The following SRSF5 variants were observed in gnomAD, a reference collection of about 807,000 sequenced individuals.
The protein encoded by SRSF5 is serine/arginine-rich splicing factor 5.
A neutral mutation model predicts 34.0 loss-of-function variants in SRSF5; 5 were observed. The ratio of observed to expected loss-of-function variants is 0.15; its 90% CI spans 0.08 to 0.31. The LOEUF is 0.31. Among genes scored for constraint, SRSF5 ranks in the 10% least tolerant of loss-of-function variants. The pLI, the probability that SRSF5 is intolerant of heterozygous loss-of-function variation, is 1.00. For synonymous variants in SRSF5, 164 were observed against 117.7 expected, an observed-to-expected ratio of 1.39 and a Z score of -2.55; for missense variants, 223 against 351.4, an observed-to-expected ratio of 0.63 and a Z score of 2.92.
At chr14:69,767,757 C>G (rs1040398055) in intron 1 of SRSF5, 18 of 351,958 alleles carry the variant, frequency 5.1e-5, no homozygotes, top group African/African-American at 2.4e-4. Flanking sequence ...GGCTTCCACC[C>G]GCTGTGACGC....
At chr14:69,767,738 CG>C (rs1218228853) in intron 1 of SRSF5, 4 of 356,240 alleles carry the variant, frequency 1.1e-5, no homozygotes, top group Non-Finnish European at 2.2e-5. Flanking sequence ...CGAGGCGTCG[CG>C]AGATTCTGGC....
chr14:69,770,893 A>C (rs1383615512), intron 6 of SRSF5, 102 bp from the exon 7 acceptor site: 6 of 993,976 alleles, frequency 6.0e-6, no homozygotes. Context: ...CAATAGTAGC[A>C]ATAGCAAAAG....
Position 69,771,271 on chromosome 14 carries a change from A to G in SRSF5, c.629A>G (p.Lys210Arg), listed in dbSNP as rs749771691. Reference protein sequence around the residue: ...SRSRSRSRSRKSYSRSRSRSR... With the variant: ...SRSRSRSRSRRSYSRSRSRSR... ...AGCCGATCCCGTTCCCGTAGTCGCA[A>G]ATCTTACAGCCGGTCAAGAAGCAGG... is the stretch of plus-strand genomic sequence containing the variant. The change falls in exon 8 of 8, where the codon AAA (lysine) becomes AGA (arginine). Residue 210 changes from lysine (K) to arginine (R), a missense_variant. By Grantham distance (26) the Lys-to-Arg change is conservative. Around this residue, in one of 4 missense-constraint regions of SRSF5, gnomAD observed 115 missense variants for 119.7 expected, o/e 0.96. Coordinates refer to ENST00000557154, the MANE Select transcript of SRSF5 (RefSeq NM_001320214.2). The G allele has an allele frequency of 2.5e-6, 4 of 1,614,044 alleles. No homozygotes were observed. Among genetic ancestry groups the G allele is most frequent in the Admixed American group, 1.7e-5 (1 of 60,006 alleles).
At position 69,771,379 on chromosome 14, in the gene SRSF5, G is replaced by T. The variant is rs372075917; in HGVS notation, c.737G>T (p.Ser246Ile). 6.2e-7 allele frequency: 1 copy of T among 1,614,110 alleles called. No individual in the cohort carries two copies. Among genetic ancestry groups the T allele is most frequent in the African/African-American group, 1.3e-5 (1 of 74,932 alleles). Residue 246 changes from serine (S) to isoleucine (I), a missense_variant, in exon 8 of 8, where the codon AGT (serine) becomes ATT (isoleucine). Ser to Ile is a moderately radical substitution (Grantham distance 142). This residue lies in a region of SRSF5 where 115 missense variants were observed against 119.7 expected (regional missense o/e 0.96). Transcript: ENST00000557154. ...AAGAGCCAGAAACGTGGTTCTTCAA[G>T]TAGATCTAAGTCTCCAGCATCTGTG... ...PEKSQKRGSSSRSKSPASVDR... is the reference protein window; with the variant it reads ...PEKSQKRGSSIRSKSPASVDR...
Position 69,771,474 on chromosome 14 carries a change from T to C in SRSF5, c.*13T>C. 1 of 1,606,092 alleles carries C rather than the reference T, an allele frequency of 6.2e-7. No homozygotes were observed. The highest frequency in any genetic ancestry group is 8.5e-7 in the Non-Finnish European group (1 of 1,175,692). ...CAGTGGCAATTAAACTGTAAATAAC[T>C]TGCCCTGGGGGCCTTTTTTTAAAAA... On this transcript the variant is annotated 3_prime_UTR_variant, in exon 8 of 8. Transcript: ENST00000557154.
Position 69,771,278 on chromosome 14 carries a change from C to T in SRSF5, c.636C>T (p.Tyr212=), listed in dbSNP as rs1486025577. 7 of 1,614,118 alleles carry T rather than the reference C, an allele frequency of 4.3e-6. No homozygotes were observed. The highest frequency in any genetic ancestry group is 2.2e-5 in the East Asian group (1 of 44,890). ...CCCGTTCCCGTAGTCGCAAATCTTA[C>T]AGCCGGTCAAGAAGCAGGAGCAGGA... is the stretch of plus-strand genomic sequence containing the variant. ...SRSRSRSRKS[Y]SRSRSRSRSR... Residue 212 remains tyrosine (Y), a synonymous_variant, in exon 8 of 8, where the codon TAC becomes TAT. Coordinates refer to ENST00000557154, the MANE Select transcript of SRSF5 (RefSeq NM_001320214.2).
Position 69,771,626 on chromosome 14 carries a change from A to C in SRSF5, c.*165A>C. The stretch of plus-strand genomic sequence containing the variant: ...GATATCTTTGTAGATGTGGACCACC[A>C]AGGGGTTGTTGAAAACTAATTGTAT... On this transcript the variant is annotated 3_prime_UTR_variant, in exon 8 of 8. Coordinates refer to ENST00000557154, the MANE Select transcript of SRSF5 (RefSeq NM_001320214.2). 2 of 779,694 alleles carry C rather than the reference A, an allele frequency of 2.6e-6. No individual in the cohort carries two copies. The highest frequency in any genetic ancestry group is 4.0e-6 in the Non-Finnish European group (2 of 501,664). 48.3% of individuals were successfully genotyped at this position (779,694 alleles called of 1,614,324 possible).
In SRSF5 at chr14:69,770,975, G is replaced by A. The variant is rs375162771; in HGVS notation, c.441-20G>A. 3 of 1,598,218 alleles carry A rather than the reference G, an allele frequency of 1.9e-6. No homozygotes were observed. Among genetic ancestry groups the A allele is most frequent in the Non-Finnish European group, 2.6e-6 (3 of 1,169,662 alleles). ...ACTACAGGATGTATATACTTTAAAA[G>A]TGGCTGTTTTCCATTTTAGGGTGGT... On this transcript the variant is annotated intron_variant, in intron 6 of 7. Coordinates refer to ENST00000557154, the MANE Select transcript of SRSF5 (RefSeq NM_001320214.2).
At chr14:69,768,116 C>T in intron 1 of SRSF5, 22 bp from the exon 2 acceptor site, 1 of 1,613,028 alleles carries the variant, frequency 6.2e-7, no homozygotes. Context: ...GCTATTATCT[C>T]GATTGAATTA....
At chr14:69,768,472 T>A in intron 2 of SRSF5, 132 bp from the exon 3 acceptor site, 1 of 1,196,892 alleles carries the variant, frequency 8.4e-7, no homozygotes, top group Non-Finnish European at 1.2e-6. Flanking sequence ...CAGTGGCTCC[T>A]TGATTAGGTT....
At chr14:69,768,965 TAGC>T in intron 4 of SRSF5, 69 bp downstream of exon 4, 1 of 1,513,722 alleles carries the variant, frequency 6.6e-7, no homozygotes, top group Non-Finnish European at 9.2e-7. Flanking sequence ...CAGGAGTCAT[TAGC>T]AGTGATGATT....
rs751597035 is a variant in SRSF5, at chr14:69,771,324, C to G, written c.682C>G (p.Arg228Gly). 6.8e-6 allele frequency: 11 copies of G among 1,614,006 alleles called. No homozygotes were observed. Among genetic ancestry groups the G allele is most frequent in the African/African-American group, 1.3e-5 (1 of 74,876 alleles). The change falls in exon 8 of 8, where the codon CGT becomes GGT. Residue 228 changes from arginine to glycine, a missense_variant. Coordinates refer to ENST00000557154, the MANE Select transcript of SRSF5 (RefSeq NM_001320214.2). ...CAGGAGCCGGAGCCGGAGCAAGTCC[C>G]GTTCTGTTAGTAGGTCTCCCGTGCC... is the stretch of plus-strand genomic sequence containing the variant. Reference protein sequence around the residue: ...RSRSRSRSKSRSVSRSPVPEK... With the variant: ...RSRSRSRSKSGSVSRSPVPEK...
rs1566628689 is a variant in SRSF5 at position 69,771,037 on chromosome 14, T to C, written c.483T>C (p.Ile161=). 6.2e-7 allele frequency: 1 copy of C among 1,613,896 alleles called. No homozygotes were observed. Among genetic ancestry groups the C allele is most frequent in the South Asian group, 1.1e-5 (1 of 91,048 alleles). ...FASYGDLKNA[I]EKLSGKEING... ...CTTATGGTGACTTAAAGAATGCTAT[T>C]GAAAAACTTTCTGGAAAGGAAATAA... The change falls in exon 7 of 8, where the codon ATT becomes ATC. Residue 161 remains isoleucine (I), a synonymous_variant. Transcript: ENST00000557154.
chr14:69,769,013 C>T lies in SRSF5; in HGVS notation c.296+117C>T. 3.9e-6 allele frequency: 5 copies of T among 1,293,438 alleles called. No individual in the cohort carries two copies. The South Asian group carries it at 6.1e-5, about 16-fold the overall frequency. 80.1% of individuals were successfully genotyped at this position (1,293,438 alleles called of 1,614,324 possible). On this transcript the variant is annotated intron_variant, in intron 4 of 7. Transcript: ENST00000557154. ...GCCGTATAATCTGTTCTTCTATTCC[C>T]ACGTTAGCCAGTTGTTCTTGATGAA...
intron 6 of SRSF5, 28 bp downstream of exon 6, chr14:69,770,568 T>C: frequency 4.4e-6 from 7 of 1,590,660 alleles, no homozygotes; most frequent in Non-Finnish European, 6.0e-6. Flanking sequence ...TGAAAGTCTT[T>C]AAAAATATCC....
At chr14:69,770,415 T>A (rs1883060046) in intron 5 of SRSF5, 52 bp from the exon 6 acceptor site, 8 of 1,596,744 alleles carry the variant, frequency 5.0e-6, no homozygotes, top group South Asian at 2.3e-5. Context: ...CATGTGATTG[T>A]TTGTGTGTCC....
rs749898720 is a variant in SRSF5, at chr14:69,771,478, C to A, written c.*17C>A. The A allele has an allele frequency of 6.3e-7, 1 of 1,584,418 alleles. No individual in the cohort carries two copies. Among genetic ancestry groups the A allele is most frequent in the Non-Finnish European group, 8.6e-7 (1 of 1,167,760 alleles). ...GGCAATTAAACTGTAAATAACTTGC[C>A]CTGGGGGCCTTTTTTTAAAAAACAA... On this transcript the variant is annotated 3_prime_UTR_variant, in exon 8 of 8. Transcript: ENST00000557154.
chr14:69,769,624 C>G, intron 5 of SRSF5: 2 of 1,534,888 alleles, frequency 1.3e-6, no homozygotes, highest in Non-Finnish European at 1.7e-6. Context: ...CTACAGTGAT[C>G]AGTTGGCCAC....
intron 5 of SRSF5, chr14:69,769,478 T>A (rs1394514382): frequency 7.8e-6 from 12 of 1,535,118 alleles, no homozygotes; most frequent in Non-Finnish European, 1.0e-5. Context: ...TAAAATCAAT[T>A]TTTAACCAAA....
Sources: allele counts gnomAD v4.1 joint callset, GRCh38; gene constraint gnomAD v4.1.1; regional missense constraint gnomAD v4.1.1; transcripts MANE v1.5; gene names NCBI Gene and HGNC (gene_info 2026-07-23, HGNC 2026-07-21).